The following VPS13B variants were observed in gnomAD, a reference collection of about 807,000 sequenced individuals.
VPS13B encodes vacuolar protein sorting 13 homolog B.
VPS13B carries 285 observed loss-of-function variants against 426.4 expected under a neutral mutation model. The observed-to-expected ratio is 0.67, with a 90% CI of 0.61 to 0.74. The LOEUF (loss-of-function observed/expected upper bound fraction) is 0.74. Ranked by LOEUF, VPS13B falls within the 30% of genes least tolerant of loss-of-function variation. VPS13B has a pLI of 0.00. For missense variants in VPS13B, 4,537 were observed against 4,782.6 expected (o/e 0.95, Z 1.51); for synonymous variants, 1,676 against 1,676.4 (o/e 1.00, Z 0.01).
At chr8:99,477,872 T>C (rs1819779336) in intron 24 of VPS13B, among the ~76,000 whole-genome samples, 2 of 152,184 alleles carry the variant, frequency 1.3e-5, no homozygotes, top group African/African-American at 4.8e-5. Context: ...ATTTCTGTTA[T>C]CCATTCCCTT....
At chr8:99,630,633 C>G (rs1001411252) in intron 33 of VPS13B, among the ~76,000 whole-genome samples, 16 of 148,122 alleles carry the variant, frequency 1.1e-4, no homozygotes, top group Admixed American at 8.1e-4. Flanking sequence ...TTACTGAGCA[C>G]CTACTGCTTA....
chr8:99,666,405 C>G (rs1208747781), intron 35 of VPS13B, among the ~76,000 whole-genome samples: 3 of 152,078 alleles, frequency 2.0e-5, no homozygotes, highest in Non-Finnish European at 4.4e-5. Context: ...TGCAAAAATC[C>G]TCAATAAAAT....
At chr8:99,487,854 G>C (rs1820393609) in intron 25 of VPS13B, among the ~76,000 whole-genome samples, 1 of 151,948 alleles carries the variant, frequency 6.6e-6, no homozygotes, top group Admixed American at 6.6e-5. Context: ...CTTTGTTGCT[G>C]GACATCTGGG....
At position 99,158,306 on chromosome 8, in the gene VPS13B, G is replaced by A. The variant is rs371192602; in HGVS notation, c.2208+1563G>A. 3.9e-4 allele frequency among the ~76,000 whole-genome samples: 59 copies of A among 152,216 alleles called. 1 individual carries two copies. The East Asian group carries it at 8.7e-3, about 22-fold the overall frequency. On this transcript the variant is annotated intron_variant, in intron 15 of 61. Transcript: ENST00000357162. ...TCCCAGCTCTTTTGGAGGCTGAGGC[G>A]GGTGGATCACAAGGTCAGGAGATCG...
At chr8:99,298,992 G>A (rs949048285) in intron 19 of VPS13B, among the ~76,000 whole-genome samples, 2 of 150,180 alleles carry the variant, frequency 1.3e-5, no homozygotes, top group African/African-American at 4.9e-5. Context: ...AGTTAGATGT[G>A]ATCTGGAGTT....
chr8:99,696,872 A>T, intron 35 of VPS13B: 1 of 828,836 alleles, frequency 1.2e-6, no homozygotes. Context: ...GTCCATCGGC[A>T]TCAACAACTT....
At chr8:99,593,152 G>T (rs1244102371) in intron 33 of VPS13B, among the ~76,000 whole-genome samples, 4 of 151,954 alleles carry the variant, frequency 2.6e-5, no homozygotes, top group Non-Finnish European at 4.4e-5. Context: ...GAAAAATTTT[G>T]CAAACTAACC....
chr8:99,372,594 C>A (rs1021924007), intron 19 of VPS13B, among the ~76,000 whole-genome samples: 3 of 152,158 alleles, frequency 2.0e-5, no homozygotes, highest in African/African-American at 7.2e-5. Flanking sequence ...TAGAGAAATG[C>A]AAATCAAAAC....
chr8:99,764,594 A>G (rs1811114205), intron 39 of VPS13B, among the ~76,000 whole-genome samples: 1 of 151,726 alleles, frequency 6.6e-6, no homozygotes, highest in African/African-American at 2.4e-5. Context: ...TTGTGTTTTT[A>G]GTAGATACGG....
intron 39 of VPS13B, among the ~76,000 whole-genome samples, chr8:99,737,453 C>T (rs1263336803): frequency 6.6e-6 from 1 of 152,110 alleles, no homozygotes; most frequent in Non-Finnish European, 1.5e-5. Flanking sequence ...GGTCCCAAAG[C>T]AGCAGCCTTC....
intron 19 of VPS13B, among the ~76,000 whole-genome samples, chr8:99,313,110 C>T (rs572824211): frequency 3.9e-5 from 6 of 152,240 alleles, no homozygotes; most frequent in East Asian, 1.9e-4. Context: ...GAGATGGGTT[C>T]GAACTTCCTT....
At chr8:99,663,056 CA>C (rs1221545786) in intron 35 of VPS13B, among the ~76,000 whole-genome samples, 1 of 149,350 alleles carries the variant, frequency 6.7e-6, no homozygotes, top group African/African-American at 2.5e-5. Context: ...GACTCTGTCT[CA>C]AAAAAAAAGA....
intron 30 of VPS13B, among the ~76,000 whole-genome samples, chr8:99,522,891 G>A (rs2133674231): frequency 6.6e-6 from 1 of 152,260 alleles, no homozygotes; most frequent in East Asian, 1.9e-4. Flanking sequence ...AGCAGAATTA[G>A]AAACCACTTT....
intron 19 of VPS13B, chr8:99,346,240 G>A (rs1230736485): frequency 2.0e-5 from 3 of 152,192 alleles, no homozygotes; most frequent in African/African-American, 7.2e-5. Flanking sequence ...GAGATTACAC[G>A]CAGGGTAGAT....
At chr8:99,060,736 T>C (rs566666754) in intron 3 of VPS13B, among the ~76,000 whole-genome samples, 2 of 152,354 alleles carry the variant, frequency 1.3e-5, no homozygotes, top group East Asian at 3.9e-4. Context: ...AATACTTTTT[T>C]TTAACTTATT....
chr8:99,572,319 T>C (rs1048440026), intron 31 of VPS13B, among the ~76,000 whole-genome samples: 1 of 152,226 alleles, frequency 6.6e-6, no homozygotes, highest in African/African-American at 2.4e-5. Context: ...AATAATTTTT[T>C]TATTATTATA....
Position 99,511,177 on chromosome 8 carries a change from C to G in VPS13B, c.4298C>G (p.Thr1433Arg). ...TCTCTGACATACACAAAAGCTGTAA[C>G]AAAAAATGTCCGCCACAAGTTAACA... ...FLSLTYTKAV[T>R]KNVRHKLTSR... The change falls in exon 29 of 62, where the codon ACA becomes AGA. Residue 1433 changes from threonine to arginine, a missense_variant. By Grantham distance (71) the Thr-to-Arg change is moderately conservative (BLOSUM62 -1). Around this residue, in one of 2 missense-constraint regions of VPS13B, gnomAD observed 4,311 missense variants for 4,474.3 expected, o/e 0.96. Coordinates refer to ENST00000357162, the MANE Select transcript of VPS13B (RefSeq NM_152564.5). 1 of 1,613,894 alleles carries G rather than the reference C, an allele frequency of 6.2e-7. No homozygotes were observed. Among genetic ancestry groups the G allele is most frequent in the East Asian group, 2.2e-5 (1 of 44,860 alleles).
At position 99,143,091 on chromosome 8, in the gene VPS13B, C is replaced by T. The variant is rs182397346; in HGVS notation, c.1769C>T (p.Ala590Val). Residue 590 changes from alanine to valine, a missense_variant, in exon 13 of 62, where the codon GCG (alanine) becomes GTG (valine). Ala to Val is a moderately conservative substitution (Grantham distance 64). Coordinates refer to ENST00000357162, the MANE Select transcript of VPS13B (RefSeq NM_152564.5). ...CTTGATTTTCGTTTGGATAGCAGTG[C>T]GGTGCATAGGATTTTGAAAATGATT... The part of the protein sequence containing the change: ...GPLDFRLDSS[A>V]VHRILKMIVC... 2.8e-5 allele frequency: 45 copies of T among 1,613,916 alleles called. 1 individual carries two copies. Among genetic ancestry groups the T allele is most frequent in the East Asian group, 1.8e-4 (8 of 44,836 alleles).
chr8:99,467,431 A>T lies in VPS13B; in HGVS notation c.3463A>T (p.Thr1155Ser), dbSNP rs1369481575. 1 of 1,613,486 alleles carries T rather than the reference A, an allele frequency of 6.2e-7. No individual in the cohort carries two copies. Among genetic ancestry groups the T allele is most frequent in the Non-Finnish European group, 8.5e-7 (1 of 1,179,684 alleles). Residue 1155 changes from threonine (T) to serine (S), a missense_variant, in exon 24 of 62, where the codon ACG (threonine) becomes TCG (serine). Around this residue, in one of 2 missense-constraint regions of VPS13B, gnomAD observed 4,311 missense variants for 4,474.3 expected, o/e 0.96. Transcript: ENST00000357162. The part of the protein sequence containing the change: ...ILEEGDAFPW[T>S]ISLHNFSIYT... ...TATATCAGGTGATGCTTTTCCTTGG[A>T]CGATCAGCTTGCATAATTTCAGCAT...
Sources: gnomAD v4.1 joint callset for allele counts (sites outside exome capture counted in the v4.1 genomes callset) on GRCh38, gnomAD v4.1.1 for gene constraint, gnomAD v4.1.1 regional missense constraint, MANE v1.5 for transcripts, NCBI Gene and HGNC (gene_info 2026-07-23, HGNC 2026-07-21) for gene names.